STK32B: variants seen among roughly 807,000 people sequenced by gnomAD.
The protein encoded by STK32B is serine/threonine-protein kinase 32B.
In STK32B, 43 loss-of-function variants were observed where a neutral mutation model predicts 52.6. That is an observed-to-expected ratio of 0.82 (90% CI 0.64 to 1.05). The LOEUF is 1.05. Ranked by LOEUF, STK32B falls within the 50% of genes least tolerant of loss-of-function variation. The probability of loss-of-function intolerance (pLI) is 0.00; values close to 1 mark genes in which losing one functional copy is unlikely to be tolerated. For missense variants in STK32B, 621 were observed against 534.6 expected (o/e 1.16, Z -1.59); for synonymous variants, 238 against 204.3 (o/e 1.17, Z -1.41).
At chr4:5,433,608 G>A (rs796770953) in intron 6 of STK32B, among the ~76,000 whole-genome samples, 6 of 152,316 alleles carry the variant, frequency 3.9e-5, no homozygotes, top group African/African-American at 1.4e-4. Context: ...TTACCTTGAA[G>A]GCCCCCTCTA....
At chr4:5,208,928 C>T (rs957663035) in intron 3 of STK32B, among the ~76,000 whole-genome samples, 3 of 152,192 alleles carry the variant, frequency 2.0e-5, no homozygotes, top group African/African-American at 7.2e-5. Flanking sequence ...AAACCTTTTC[C>T]CTGCTCAGTG....
intron 7 of STK32B, among the ~76,000 whole-genome samples, chr4:5,447,803 G>C (rs1407158952): frequency 6.6e-6 from 1 of 152,216 alleles, no homozygotes; most frequent in African/African-American, 2.4e-5. Context: ...TGGAGTTTTA[G>C]GATTCCTGTG....
chr4:5,166,523 TAAG>T (rs1011740331), intron 2 of STK32B, among the ~76,000 whole-genome samples: 1 of 148,284 alleles, frequency 6.7e-6, no homozygotes, highest in African/African-American at 2.5e-5. Flanking sequence ...GGTGTCCTTA[TAAG>T]AAGATGAATG....
chr4:5,479,035 G>T (rs113185785), intron 11 of STK32B, among the ~76,000 whole-genome samples: 1 of 152,102 alleles, frequency 6.6e-6, no homozygotes, highest in African/African-American at 2.4e-5. Context: ...GGATCCAGGG[G>T]GAGGCAGGAG....
chr4:5,496,598 A>G (rs1055713141), intron 11 of STK32B, among the ~76,000 whole-genome samples: 1 of 150,744 alleles, frequency 6.6e-6, no homozygotes, highest in African/African-American at 2.5e-5. Context: ...AGTGAGATGA[A>G]CCCGGTACCT....
At chr4:5,243,387 A>G (rs376192903) in intron 3 of STK32B, among the ~76,000 whole-genome samples, 1 of 152,026 alleles carries the variant, frequency 6.6e-6, no homozygotes, top group African/African-American at 2.4e-5. Flanking sequence ...TTTGTCTGTT[A>G]TTGGTGTATA....
intron 4 of STK32B, among the ~76,000 whole-genome samples, chr4:5,387,285 CCTG>C (rs894431296): frequency 6.6e-6 from 1 of 152,180 alleles, no homozygotes; most frequent in Non-Finnish European, 1.5e-5. Context: ...CTGTTGAACA[CCTG>C]CTGGATGCTG....
chr4:5,043,714 A>G, the STK32B span, among the ~76,000 whole-genome samples: 1 of 152,222 alleles, frequency 6.6e-6, no homozygotes, highest in Non-Finnish European at 1.5e-5. Context: ...ATCACAGCCT[A>G]CAGGGGCGGA....
chr4:5,369,426 C>G (rs1451060366), intron 4 of STK32B, among the ~76,000 whole-genome samples: 1 of 152,072 alleles, frequency 6.6e-6, no homozygotes, highest in Non-Finnish European at 1.5e-5. Context: ...TTCATTCTTT[C>G]TTCTGCTGCT....
At chr4:5,103,142 C>T (rs548434196) in intron 1 of STK32B, among the ~76,000 whole-genome samples, 28 of 151,126 alleles carry the variant, frequency 1.9e-4, no homozygotes, top group Admixed American at 9.9e-4. Context: ...ATTTGGGGAT[C>T]CATGAATAAA....
At chr4:5,171,186 C>G (rs1472947668) in intron 3 of STK32B, among the ~76,000 whole-genome samples, 1 of 151,800 alleles carries the variant, frequency 6.6e-6, no homozygotes, top group Non-Finnish European at 1.5e-5. Context: ...TGTTTGAGTT[C>G]ATTGTAGATT....
At chr4:5,331,195 C>A in intron 3 of STK32B, 25 bp from the exon 4 acceptor site, 2 of 1,587,898 alleles carry the variant, frequency 1.3e-6, no homozygotes, top group East Asian at 2.3e-5. Context: ...CACCCCTAAT[C>A]TTCTCTGTCC....
At chr4:5,241,569 T>A (rs1481426357) in intron 3 of STK32B, among the ~76,000 whole-genome samples, 1 of 151,770 alleles carries the variant, frequency 6.6e-6, no homozygotes, top group Non-Finnish European at 1.5e-5. Flanking sequence ...TATTTTATTT[T>A]ATTTATTTTT....
chr4:5,496,548 C>CCTGCTTCTGCTCGCGCACGGTGTG (rs61698429), intron 11 of STK32B, among the ~76,000 whole-genome samples: 1 of 137,918 alleles, frequency 7.3e-6, no homozygotes, highest in African/African-American at 3.3e-5. Flanking sequence ...AATGCCTTGC[C>CCTGCTTCTGCTCGCGCACGGTGTG]CTGCACCCAC....
chr4:5,449,870 T>C (rs1715827328), intron 7 of STK32B, among the ~76,000 whole-genome samples: 1 of 152,170 alleles, frequency 6.6e-6, no homozygotes, highest in Non-Finnish European at 1.5e-5. Context: ...TGCGACTGCC[T>C]AGTTGTAGGA....
intron 4 of STK32B, among the ~76,000 whole-genome samples, chr4:5,385,384 C>T (rs954781008): frequency 4.0e-5 from 6 of 150,430 alleles, no homozygotes; most frequent in African/African-American, 1.5e-4. Flanking sequence ...AAGCCCCGTG[C>T]CCATGTAAAG....
chr4:5,220,129 TAGAGTCCCAACC>T (rs1363345569), intron 3 of STK32B, among the ~76,000 whole-genome samples: 1 of 152,140 alleles, frequency 6.6e-6, no homozygotes, highest in Non-Finnish European at 1.5e-5. Flanking sequence ...AATGTAAGTT[TAGAGTCCCAACC>T]AGAAGATGTA....
intron 6 of STK32B, among the ~76,000 whole-genome samples, chr4:5,418,242 A>C (rs1712321632): frequency 6.6e-6 from 1 of 152,138 alleles, no homozygotes; most frequent in Admixed American, 6.6e-5. Flanking sequence ...TATTGCAATG[A>C]TGTTATTCTG....
At chr4:5,182,234 C>T (rs1720419524) in intron 3 of STK32B, among the ~76,000 whole-genome samples, 1 of 152,158 alleles carries the variant, frequency 6.6e-6, no homozygotes, top group Non-Finnish European at 1.5e-5. Flanking sequence ...TGCAGTAACT[C>T]CCTCCACTGA....
Sources: allele counts gnomAD v4.1 joint callset (sites outside exome capture counted in the v4.1 genomes callset), GRCh38; gene constraint gnomAD v4.1.1; transcripts MANE v1.5; gene names NCBI Gene and HGNC (gene_info 2026-07-23, HGNC 2026-07-21).